NTAQ1: variants seen among roughly 807,000 people sequenced by gnomAD.
NTAQ1 encodes the protein N-terminal glutamine amidase 1, also known as protein N-terminal glutamine amidohydrolase.
Under a neutral mutation model 28.2 loss-of-function variants are expected in NTAQ1, and 21 were observed. That is an observed-to-expected ratio of 0.74 (90% CI 0.53 to 1.07). NTAQ1 has a LOEUF of 1.07. Ranked by LOEUF, NTAQ1 falls within the 50% of genes least tolerant of loss-of-function variation. The probability of loss-of-function intolerance (pLI) is 0.00; values close to 1 mark genes in which losing one functional copy is unlikely to be tolerated. For synonymous variants in NTAQ1, 105 were observed against 90.0 expected, an observed-to-expected ratio of 1.17 and a Z score of -0.94; for missense variants, 264 against 256.6, an observed-to-expected ratio of 1.03 and a Z score of -0.20.
rs192130053 is a variant in NTAQ1, at chr8:123,437,117, T to C, written c.384-93T>C. 1.3e-4 allele frequency: 199 copies of C among 1,514,806 alleles called. 1 individual carries two copies. The African/African-American group carries it at 2.4e-3, about 18-fold the overall frequency. 93.8% of individuals were successfully genotyped at this position (1,514,806 alleles called of 1,614,324 possible). A position where few individuals can be genotyped will look rare whatever the true frequency, so the allele number is the denominator to read the frequency against. Reference sequence around the variant, plus strand: ...ATACAGAAATGCATGAGTAGTTTTGTGCATGTCATAGGAAATGAGTCGATA... The same window carrying C: ...ATACAGAAATGCATGAGTAGTTTTGCGCATGTCATAGGAAATGAGTCGATA... On this transcript the variant is annotated intron_variant, in intron 4 of 5. Transcript: ENST00000287387.
At chr8:123,437,678 G>A (rs1182692002) in intron 5 of NTAQ1, among the ~76,000 whole-genome samples, 1 of 150,030 alleles carries the variant, frequency 6.7e-6, no homozygotes, top group East Asian at 2.0e-4. Context: ...ATTCCAGCCT[G>A]GGTGACAGAG....
At chr8:123,428,076 G>T in intron 2 of NTAQ1, 53 bp downstream of exon 2, 1 of 1,269,928 alleles carries the variant, frequency 7.9e-7, no homozygotes, top group Non-Finnish European at 1.1e-6. Flanking sequence ...GATGACATTA[G>T]AAGCTAAATT....
chr8:123,457,718 C>T (rs1406679094), intron 6 of NTAQ1, among the ~76,000 whole-genome samples: 1 of 152,004 alleles, frequency 6.6e-6, no homozygotes, highest in East Asian at 1.9e-4. Flanking sequence ...GTGTTGTAAG[C>T]CCTGTGAATA....
chr8:123,421,512 C>CTTTTTTTTTT (rs71310677), intron 1 of NTAQ1, among the ~76,000 whole-genome samples: 1 of 133,908 alleles, frequency 7.5e-6, no homozygotes, highest in Non-Finnish European at 1.6e-5. Flanking sequence ...TCTCTTTTTC[C>CTTTTTTTTTT]TTTTTTTTTT....
intron 6 of NTAQ1, among the ~76,000 whole-genome samples, chr8:123,463,241 G>A (rs995541278): frequency 2.6e-5 from 4 of 152,214 alleles, no homozygotes; most frequent in Admixed American, 6.5e-5. Flanking sequence ...TTATTATCAC[G>A]TCTAAGAAAC....
At chr8:123,468,392 C>G (rs55822628) in exon 7 of NTAQ1, among the ~76,000 whole-genome samples, 37,459 of 152,044 alleles carry the variant, frequency 0.25, 4,993 homozygotes, top group African/African-American at 0.33. Flanking sequence ...TATCCCCCCA[C>G]TAACTGCCAT....
At position 123,441,517 on chromosome 8, in the gene NTAQ1, A is replaced by G; in HGVS notation, c.*102A>G. 1 of 875,654 alleles carries G rather than the reference A, an allele frequency of 1.1e-6. No homozygotes were observed. The highest frequency in any genetic ancestry group is 1.8e-6 in the Non-Finnish European group (1 of 550,942). 54.2% of individuals were successfully genotyped at this position (875,654 alleles called of 1,614,324 possible). A position where few individuals can be genotyped will look rare whatever the true frequency, so the allele number is the denominator to read the frequency against. On this transcript the variant is annotated 3_prime_UTR_variant, in exon 6 of 6. Transcript: ENST00000287387. The stretch of plus-strand genomic sequence containing the variant: ...ATTATGGTACAGTTGGCTTGGAATT[A>G]TGTCTTTCTCTTTTAATTTGATTGA...
downstream of NTAQ1, among the ~76,000 whole-genome samples, chr8:123,471,864 G>A (rs1297322358): frequency 1.3e-5 from 2 of 152,164 alleles, no homozygotes; most frequent in Non-Finnish European, 2.9e-5. Context: ...GATAATGTTT[G>A]ATTAAATATC....
chr8:123,429,359 C>T (rs990934758), intron 2 of NTAQ1, among the ~76,000 whole-genome samples: 1 of 152,202 alleles, frequency 6.6e-6, no homozygotes, highest in African/African-American at 2.4e-5. Context: ...CATTCCTTCA[C>T]CTTGATTTTT....
chr8:123,441,201 T>A (rs1284881072), intron 5 of NTAQ1, 105 bp from the exon 6 acceptor site: 1 of 794,010 alleles, frequency 1.3e-6, no homozygotes, highest in South Asian at 1.7e-5. Context: ...TGAGCCCTTA[T>A]CCATTTGAAT....
In NTAQ1 at chr8:123,459,716, C is replaced by G. The variant is rs113866310; in HGVS notation, c.373-7363C>G. Among the ~76,000 whole-genome samples the G allele has an allele frequency of 3.1e-3, 474 of 152,106 alleles. 1 individual carries two copies. Among genetic ancestry groups the G allele is most frequent in the African/African-American group, 0.011 (452 of 41,484 alleles). ...CCAATAATTCCAACAAAAGTTTCTC[C>G]TAGAACCCCTATTGCTCAGGAAATC... is the stretch of plus-strand genomic sequence containing the variant. On this transcript the variant is annotated intron_variant, in intron 6 of 6. Transcript: ENST00000650311.
At chr8:123,420,738 G>A (rs1211030846) in intron 1 of NTAQ1, among the ~76,000 whole-genome samples, 1 of 151,320 alleles carries the variant, frequency 6.6e-6, no homozygotes, top group Non-Finnish European at 1.5e-5. Context: ...GAGTACAGGT[G>A]GGCATCACCA....
At chr8:123,451,206 C>T (rs1036225329), downstream of NTAQ1, among the ~76,000 whole-genome samples, 1 of 152,140 alleles carries the variant, frequency 6.6e-6, no homozygotes, top group African/African-American at 2.4e-5. Flanking sequence ...GTCTGAGCTC[C>T]GAGTCTGGTA....
intron 6 of NTAQ1, among the ~76,000 whole-genome samples, chr8:123,447,840 G>A (rs1400385455): frequency 6.6e-6 from 1 of 152,198 alleles, no homozygotes; most frequent in Non-Finnish European, 1.5e-5. Context: ...TGGCCCTTGG[G>A]CTGTAGTTTG....
At position 123,427,967 on chromosome 8, in the gene NTAQ1, G is replaced by T; in HGVS notation, c.127G>T (p.Asp43Tyr). 1.9e-6 allele frequency: 3 copies of T among 1,611,282 alleles called. No individual in the cohort carries two copies. In the South Asian group the frequency reaches 3.3e-5, roughly 18 times the overall value. ...GCTCTGTGAATACATCAAAAACCAT[G>T]ACCAGTATCCTTTAGAAGAATGTTA... The part of the protein sequence containing the change: ...WKLCEYIKNH[D>Y]QYPLEECYAV... The change falls in exon 2 of 6, where the codon GAC (aspartate) becomes TAC (tyrosine). Residue 43 changes from aspartate to tyrosine, a missense_variant. Asp to Tyr is a radical substitution (Grantham distance 160, BLOSUM62 -3). Transcript: ENST00000287387.
chr8:123,441,526 T>A lies in NTAQ1; in HGVS notation c.*111T>A, dbSNP rs1815069888. The A allele has an allele frequency of 1.2e-6, 1 of 833,266 alleles. No individual in the cohort carries two copies. Among genetic ancestry groups the A allele is most frequent in the African/African-American group, 1.7e-5 (1 of 57,662 alleles). 51.6% of individuals were successfully genotyped at this position (833,266 alleles called of 1,614,324 possible). A position where few individuals can be genotyped will look rare whatever the true frequency, so the allele number is the denominator to read the frequency against. On this transcript the variant is annotated 3_prime_UTR_variant, in exon 6 of 6. Transcript: ENST00000287387. ...CAGTTGGCTTGGAATTATGTCTTTC[T>A]CTTTTAATTTGATTGAGTGGAAATC...
intron 6 of NTAQ1, among the ~76,000 whole-genome samples, chr8:123,463,002 G>C (rs1293805419): frequency 6.6e-6 from 1 of 152,152 alleles, no homozygotes; most frequent in African/African-American, 2.4e-5. Flanking sequence ...CTGCTCTCTT[G>C]GTACACCAGG....
intron 1 of NTAQ1, among the ~76,000 whole-genome samples, chr8:123,419,120 A>G (rs1305775356): frequency 9.6e-6 from 1 of 104,524 alleles, no homozygotes; most frequent in Non-Finnish European, 1.8e-5. Context: ...TTTTTTTGAG[A>G]CAGAGTCTCA....
intron 6 of NTAQ1, among the ~76,000 whole-genome samples, chr8:123,454,492 C>G (rs1158474797): frequency 1.3e-5 from 2 of 152,094 alleles, no homozygotes; most frequent in African/African-American, 2.4e-5. Flanking sequence ...CCCAGCCTCC[C>G]GAGTAGCTGG....
Sources: allele counts gnomAD v4.1 joint callset (sites outside exome capture counted in the v4.1 genomes callset), GRCh38; gene constraint gnomAD v4.1.1; transcripts MANE v1.5; gene names NCBI Gene and HGNC (gene_info 2026-07-23, HGNC 2026-07-21).